Variants in SLC39A3 observed in about 807,000 individuals in gnomAD.
SLC39A3 encodes zinc transporter ZIP3.
SLC39A3 carries 3 observed loss-of-function variants against 5.1 expected under a neutral mutation model. The ratio of observed to expected loss-of-function variants is 0.59; its 90% CI spans 0.27 to 1.54. The LOEUF (loss-of-function observed/expected upper bound fraction) is 1.54, where lower values mean the gene tolerates loss of function less well. SLC39A3 is among the 40% of genes most tolerant of loss of function. The pLI is 0.12. For missense variants in SLC39A3, 412 were observed against 436.4 expected, an observed-to-expected ratio of 0.94 and a Z score of 0.50; for synonymous variants, 250 against 218.8, an observed-to-expected ratio of 1.14 and a Z score of -1.26.
chr19:2,737,572 AT>A (rs918737766), intron 1 of SLC39A3, 193 bp from the exon 2 acceptor site: 62 of 327,044 alleles, frequency 1.9e-4, no homozygotes, highest in South Asian at 3.0e-4. Flanking sequence ...CTCCCAGCTA[AT>A]TTTTTTTGTA....
In SLC39A3 at chr19:2,732,859, C is replaced by CAGGAAGGTGATGAAG; in HGVS notation, c.822_836dup (p.Phe275_Leu279dup). On this transcript the variant is annotated inframe_insertion, in exon 3 of 3. Coordinates refer to ENST00000269740, the MANE Select transcript of SLC39A3 (RefSeq NM_144564.5). Reference sequence around the variant, plus strand: ...CCTCCAGCTCCTTGGCCAGGATCTCCAGGAAGGTGATGAAGAGGAAGGTGC... The same window carrying CAGGAAGGTGATGAAG: ...CCTCCAGCTCCTTGGCCAGGATCTCCAGGAAGGTGATGAAGAGGAAGGTGATGAAGAGGAAGGTGC... 3 of 1,612,054 alleles carry CAGGAAGGTGATGAAG rather than the reference C, an allele frequency of 1.9e-6. No homozygotes were observed. Among genetic ancestry groups the CAGGAAGGTGATGAAG allele is most frequent in the Admixed American group, 1.7e-5 (1 of 59,990 alleles).
Position 2,737,171 on chromosome 19 carries a change from G to C in SLC39A3, c.87C>G (p.Ile29Met). ...GGGCCTTCTCAAAATCTGTCTCGAT[G>C]ATCTTCACGGGGAGCAGGGAGCCGA... ...MLLGSLLPVK[I>M]IETDFEKAHR... is the part of the protein sequence containing the mutation. Residue 29 changes from isoleucine (I) to methionine (M), a missense_variant, in exon 2 of 3, where the codon ATC (isoleucine) becomes ATG (methionine). By Grantham distance (10) the Ile-to-Met change is conservative. Coordinates refer to ENST00000269740, the MANE Select transcript of SLC39A3 (RefSeq NM_144564.5). 6.2e-7 allele frequency: 1 copy of C among 1,614,144 alleles called. No homozygotes were observed. The highest frequency in any genetic ancestry group is 1.6e-4 in the Middle Eastern group (1 of 6,062).
At chr19:2,737,431 T>G in intron 1 of SLC39A3, 52 bp from the exon 2 acceptor site, 1 of 1,279,540 alleles carries the variant, frequency 7.8e-7, no homozygotes, top group Non-Finnish European at 1.0e-6. Flanking sequence ...TCTTTTTTTT[T>G]TTTTAGACAG....
rs142014158 is a variant in SLC39A3, at chr19:2,737,360, C to T, written c.-103G>A. ...CCGAGCCCAACCACACAGTTGGAGG[C>T]TCATGTCTCAGTCCAGCAACTGTGA... On this transcript the variant is annotated 5_prime_UTR_variant, in exon 2 of 3. Coordinates refer to ENST00000269740, the MANE Select transcript of SLC39A3 (RefSeq NM_144564.5). 323 of 1,485,224 alleles carry T rather than the reference C, an allele frequency of 2.2e-4. 4 individuals are homozygous for T. The African/African-American group carries it at 3.2e-3, about 15-fold the overall frequency. The allele number at this position is 1,485,224 out of a possible 1,614,324, so 92.0% of individuals were successfully genotyped here. A position where few individuals can be genotyped will look rare whatever the true frequency, so the allele number is the denominator to read the frequency against.
upstream of SLC39A3, chr19:2,740,048 T>C (rs1477840196): frequency 6.6e-6 from 1 of 152,188 alleles, no homozygotes; most frequent in African/African-American, 2.4e-5. Flanking sequence ...TCGGCGCGGC[T>C]GGTCCACGCC....
At chr19:2,736,377 C>T (rs1289173953) in intron 2 of SLC39A3, 2 of 201,246 alleles carry the variant, frequency 9.9e-6, no homozygotes, top group Admixed American at 5.6e-5. Context: ...AGAGTCATGG[C>T]CATCTTCTCC....
At position 2,737,207 on chromosome 19, in the gene SLC39A3, G is replaced by C. The variant is rs376643452; in HGVS notation, c.51C>G (p.Phe17Leu). Reference sequence around the variant, plus strand: ...GGAGCAGGGAGCCGAGCAGCATGAAGAAGAACACGCCCACCATGCACAGGA... The same window carrying C: ...GGAGCAGGGAGCCGAGCAGCATGAACAAGAACACGCCCACCATGCACAGGA... ...AKILCMVGVFFFMLLGSLLPV... is the reference protein window; with the variant it reads ...AKILCMVGVFLFMLLGSLLPV... The change falls in exon 2 of 3, where the codon TTC (phenylalanine) becomes TTG (leucine). Residue 17 changes from phenylalanine (F) to leucine (L), a missense_variant. Transcript: ENST00000269740. 6.2e-7 allele frequency: 1 copy of C among 1,614,164 alleles called. No individual in the cohort carries two copies. Among genetic ancestry groups the C allele is most frequent in the African/African-American group, 1.3e-5 (1 of 75,034 alleles).
intron 1 of SLC39A3, among the ~76,000 whole-genome samples, chr19:2,738,446 T>A (rs1233612545): frequency 6.6e-6 from 1 of 152,100 alleles, no homozygotes; most frequent in East Asian, 1.9e-4. Context: ...CATGACAAGC[T>A]CCTGCCTCGC....
At chr19:2,738,951 T>C (rs538397257) in intron 1 of SLC39A3, among the ~76,000 whole-genome samples, 75 of 141,654 alleles carry the variant, frequency 5.3e-4, no homozygotes, top group African/African-American at 2.0e-3. Flanking sequence ...AAAAAAAAAA[T>C]TAGCTGGGCA....
At chr19:2,739,433 A>G (rs1051188122) in intron 1 of SLC39A3, 2 of 151,582 alleles carry the variant, frequency 1.3e-5, no homozygotes, top group Non-Finnish European at 2.9e-5. Context: ...CCGCTACCTC[A>G]CTGCATTCAG....
In SLC39A3 at chr19:2,737,082, C is replaced by A; in HGVS notation, c.176G>T (p.Cys59Phe). Reference protein sequence around the residue: ...TFGGGVFLATCFNALLPAVRE... With the variant: ...TFGGGVFLATFFNALLPAVRE... ...CACAGCGGGCAGCAGAGCGTTGAAG[C>A]ACGTGGCCAGAAACACCCCTCCTCC... Residue 59 changes from cysteine to phenylalanine, a missense_variant, in exon 2 of 3, where the codon TGC becomes TTC. By Grantham distance (205) the Cys-to-Phe change is radical. Coordinates refer to ENST00000269740, the MANE Select transcript of SLC39A3 (RefSeq NM_144564.5). The A allele has an allele frequency of 1.9e-6, 3 of 1,614,198 alleles. No individual in the cohort carries two copies. The highest frequency in any genetic ancestry group is 2.5e-6 in the Non-Finnish European group (3 of 1,180,040).
In SLC39A3 at chr19:2,734,605, G is replaced by A. The variant is rs1599484734; in HGVS notation, c.211-1120C>T. 3 of 342,972 alleles carry A rather than the reference G, an allele frequency of 8.7e-6. No individual in the cohort carries two copies. Among genetic ancestry groups the A allele is most frequent in the Middle Eastern group, 1.5e-3 (1 of 676 alleles). The allele number at this position is 342,972 out of a possible 1,614,324, so 21.2% of individuals were successfully genotyped here. The stretch of plus-strand genomic sequence containing the variant: ...TCGGGGCTGGATTGTTCTCTGGGAC[G>A]GGGCCGTCCTGGGCACTGCAGGGTG... On this transcript the variant is annotated intron_variant, in intron 2 of 2. Coordinates refer to ENST00000269740, the MANE Select transcript of SLC39A3 (RefSeq NM_144564.5). This position sits in a 1 kb window ranked among gnomAD's most constrained non-coding sequence, Gnocchi z 4.6.
At chr19:2,739,099 CA>C (rs76854834) in intron 1 of SLC39A3, among the ~76,000 whole-genome samples, 263 of 30,316 alleles carry the variant, frequency 8.7e-3, no homozygotes, top group African/African-American at 0.022. Context: ...GACTCCGTCT[CA>C]AAAAAAAAAA....
Position 2,734,443 on chromosome 19 carries a change from C to G in SLC39A3, c.211-958G>C, listed in dbSNP as rs961277283. The G allele has an allele frequency of 6.6e-6, 1 of 152,422 alleles. No individual in the cohort carries two copies. The highest frequency in any genetic ancestry group is 6.5e-5 in the Admixed American group (1 of 15,284). The allele number at this position is 152,422 out of a possible 1,614,324, so 9.4% of individuals were successfully genotyped here. On this transcript the variant is annotated intron_variant, in intron 2 of 2. Transcript: ENST00000269740. The surrounding 1 kb of genome is among the most constrained non-coding windows in gnomAD (Gnocchi z 4.6). ...ATGTGCACACACGCACGCACACACACGCGCACACGCAGGTGCACACACAAG... is the reference window on the plus strand; with the variant it reads ...ATGTGCACACACGCACGCACACACAGGCGCACACGCAGGTGCACACACAAG...
intron 1 of SLC39A3, among the ~76,000 whole-genome samples, chr19:2,739,702 C>T (rs551331431): frequency 3.9e-4 from 60 of 152,312 alleles, no homozygotes; most frequent in African/African-American, 1.3e-3. Flanking sequence ...CTGGATACCT[C>T]AGTCTGTACA....
intron 1 of SLC39A3, among the ~76,000 whole-genome samples, chr19:2,737,935 A>T (rs1042056665): frequency 6.6e-6 from 1 of 152,088 alleles, no homozygotes; most frequent in Non-Finnish European, 1.5e-5. Context: ...GTAGTGGCTC[A>T]CACCTGCAAT....
rs977256736 is a variant in SLC39A3 at position 2,732,614 on chromosome 19, C to T, written c.*137G>A. The T allele has an allele frequency of 2.3e-5, 32 of 1,384,178 alleles. No individual in the cohort carries two copies. In the East Asian group the frequency reaches 2.6e-4, roughly 11 times the overall value. The allele number at this position is 1,384,178 out of a possible 1,614,324, so 85.7% of individuals were successfully genotyped here. A position where few individuals can be genotyped will look rare whatever the true frequency, so the allele number is the denominator to read the frequency against. ...TAGGATCGGGGGCACAGCCTGGTCC[C>T]GGGAGGCCCCTTGTGCACAGGTGGT... On this transcript the variant is annotated 3_prime_UTR_variant, in exon 3 of 3. Coordinates refer to ENST00000269740, the MANE Select transcript of SLC39A3 (RefSeq NM_144564.5).
chr19:2,737,922 G>C (rs1464707830), intron 1 of SLC39A3: 1 of 151,982 alleles, frequency 6.6e-6, no homozygotes, highest in Non-Finnish European at 1.5e-5. Flanking sequence ...ATCCAGGCTG[G>C]GTGTAGTGGC....
Position 2,733,546 on chromosome 19 carries a change from G to T in SLC39A3, c.211-61C>A. The T allele has an allele frequency of 6.5e-7, 1 of 1,542,640 alleles. No individual in the cohort carries two copies. The highest frequency in any genetic ancestry group is 1.2e-5 in the South Asian group (1 of 80,700). On this transcript the variant is annotated intron_variant, in intron 2 of 2. Transcript: ENST00000269740. The surrounding 1 kb of genome is among the most constrained non-coding windows in gnomAD (Gnocchi z 6.1). Reference sequence around the variant, plus strand: ...CCACGCTCAGGGGTGGCGGCGACAGGGCTGGCCAGATGTCACCGTTCAAAG... The same window carrying T: ...CCACGCTCAGGGGTGGCGGCGACAGTGCTGGCCAGATGTCACCGTTCAAAG...
Sources: allele counts gnomAD v4.1 joint callset (sites outside exome capture counted in the v4.1 genomes callset), GRCh38; gene constraint gnomAD v4.1.1; non-coding constraint Gnocchi (gnomAD v3.1); transcripts MANE v1.5; gene names NCBI Gene and HGNC (gene_info 2026-07-23, HGNC 2026-07-21).